CACNA2D4: variants seen among roughly 807,000 people sequenced by gnomAD.
The protein encoded by CACNA2D4 is voltage-dependent calcium channel subunit alpha-2/delta-4.
In CACNA2D4, 157 loss-of-function variants were observed where a neutral mutation model predicts 163.8. The ratio of observed to expected loss-of-function variants is 0.96; its 90% confidence interval spans 0.84 to 1.09. The LOEUF is 1.09. Ranked by LOEUF, CACNA2D4 falls within the 50% of genes least tolerant of loss-of-function variation. The probability of loss-of-function intolerance (pLI) is 0.00; values close to 1 mark genes in which losing one functional copy is unlikely to be tolerated. For synonymous variants in CACNA2D4, 598 were observed against 586.9 expected (o/e 1.02, Z -0.27); for missense variants, 1,410 against 1,479.9 (o/e 0.95, Z 0.78).
chr12:1,889,187 G>A (rs1866220356), intron 6 of CACNA2D4, among the ~76,000 whole-genome samples: 1 of 152,190 alleles, frequency 6.6e-6, no homozygotes. Flanking sequence ...ACAATCTAAA[G>A]CAGTTTATAC....
intron 20 of CACNA2D4, among the ~76,000 whole-genome samples, chr12:1,858,095 TG>T (rs1057121098): frequency 3.3e-5 from 5 of 152,128 alleles, no homozygotes; most frequent in African/African-American, 1.2e-4. Context: ...ACACCTGACT[TG>T]GGACTTCCAG....
chr12:1,858,914 T>A (rs1281764831), intron 19 of CACNA2D4, among the ~76,000 whole-genome samples: 1 of 152,124 alleles, frequency 6.6e-6, no homozygotes, highest in East Asian at 1.9e-4. Context: ...CCCATTTTCA[T>A]CAAGGGACAC....
intron 1 of CACNA2D4, among the ~76,000 whole-genome samples, chr12:1,916,297 T>C (rs978044370): frequency 6.6e-6 from 1 of 152,148 alleles, no homozygotes; most frequent in Non-Finnish European, 1.5e-5. Flanking sequence ...CAAGTACCAT[T>C]GGGAAGGTTG....
intron 13 of CACNA2D4, among the ~76,000 whole-genome samples, chr12:1,881,297 A>C (rs1417471367): frequency 6.6e-6 from 1 of 152,228 alleles, no homozygotes; most frequent in Non-Finnish European, 1.5e-5. Context: ...TGCTAAGGAC[A>C]TCCTAGCACC....
In CACNA2D4 at chr12:1,829,913, A is replaced by C. The variant is rs1466185908; in HGVS notation, c.2551+10826T>G. Among the ~76,000 whole-genome samples the C allele has an allele frequency of 6.6e-6, 1 of 151,994 alleles. No homozygotes were observed. Among genetic ancestry groups the C allele is most frequent in the Non-Finnish European group, 1.5e-5 (1 of 67,988 alleles). ...GCAGGCTTCTCTGCTACTCAGGAGGACACTTAGGGGTTTTTGAGGCCACTA... is the reference window on the plus strand; with the variant it reads ...GCAGGCTTCTCTGCTACTCAGGAGGCCACTTAGGGGTTTTTGAGGCCACTA... On this transcript the variant is annotated intron_variant, in intron 26 of 37. Coordinates refer to ENST00000382722, the MANE Select transcript of CACNA2D4 (RefSeq NM_172364.5). This position sits in a 1 kb window ranked among gnomAD's most constrained non-coding sequence, Gnocchi z 4.2.
rs1239923971 is a variant in CACNA2D4 at position 1,828,114 on chromosome 12, A to G, written c.2551+12625T>C. ...CGCACCCAGGGGCTCCTCTCTCCCC[A>G]GAGCGACAGGGCCCGGAGAGCCGTG... On this transcript the variant is annotated intron_variant, in intron 26 of 37. Coordinates refer to ENST00000382722, the MANE Select transcript of CACNA2D4 (RefSeq NM_172364.5). This position sits in a 1 kb window ranked among gnomAD's most constrained non-coding sequence, Gnocchi z 4.2. The G allele has an allele frequency of 2.0e-6, 3 of 1,502,164 alleles. No homozygotes were observed. The highest frequency in any genetic ancestry group is 2.1e-4 in the Middle Eastern group (1 of 4,710). 93.1% of individuals were successfully genotyped at this position (1,502,164 alleles called of 1,614,324 possible). A position where few individuals can be genotyped will look rare whatever the true frequency, so the allele number is the denominator to read the frequency against.
chr12:1,884,074 C>G (rs1008497781), intron 12 of CACNA2D4, 169 bp downstream of exon 12: 4 of 578,366 alleles, frequency 6.9e-6, no homozygotes, highest in Admixed American at 5.8e-5. Context: ...CATTGTCTCA[C>G]CTTGCTTTTT....
chr12:1,864,890 C>T (rs1865609421), intron 18 of CACNA2D4, among the ~76,000 whole-genome samples: 1 of 152,214 alleles, frequency 6.6e-6, no homozygotes, highest in South Asian at 2.1e-4. Context: ...GAGTCGTATT[C>T]AGCTGGATTC....
chr12:1,868,284 G>A (rs1176009254), intron 18 of CACNA2D4, among the ~76,000 whole-genome samples: 2 of 152,180 alleles, frequency 1.3e-5, no homozygotes, highest in Non-Finnish European at 2.9e-5. Flanking sequence ...CCTTAACAAA[G>A]AAGGAGATTC....
At position 1,826,314 on chromosome 12, in the gene CACNA2D4, G is replaced by A. The variant is rs144884682; in HGVS notation, c.2551+14425C>T. On this transcript the variant is annotated intron_variant, in intron 26 of 37. Transcript: ENST00000382722. ...AGAAACTCCACCAAGCAGGTATTGC[G>A]GTCACCATTTCTAGACAGAAAGAAG... is the stretch of plus-strand genomic sequence containing the variant. 6.3e-3 allele frequency among the ~76,000 whole-genome samples: 964 copies of A among 152,018 alleles called. 13 individuals are homozygous for A. The highest frequency in any genetic ancestry group is 0.022 in the African/African-American group (899 of 41,374).
chr12:1,870,684 C>T (rs950171641), intron 18 of CACNA2D4, among the ~76,000 whole-genome samples: 10 of 151,886 alleles, frequency 6.6e-5, no homozygotes, highest in African/African-American at 2.4e-4. Context: ...TCTAGTCAAG[C>T]TACACCTTAC....
At chr12:1,847,382 G>A (rs1865169436) in intron 23 of CACNA2D4, among the ~76,000 whole-genome samples, 1 of 152,230 alleles carries the variant, frequency 6.6e-6, no homozygotes, top group South Asian at 2.1e-4. Context: ...GTGCTATAGT[G>A]AGCATACAAA....
At chr12:1,884,176 G>C in intron 12 of CACNA2D4, 67 bp downstream of exon 12, 1 of 1,475,538 alleles carries the variant, frequency 6.8e-7, no homozygotes, top group Middle Eastern at 1.8e-4. Context: ...AGCACTTCCA[G>C]GGCTGGGTAA....
At position 1,858,551 on chromosome 12, in the gene CACNA2D4, T is replaced by C. The variant is rs750559222; in HGVS notation, c.2008+26A>G. Reference sequence around the variant, plus strand: ...GAGCCCATTATTTTCTGCTTAACTGTCCCTCAGCCCCTGGTACCGACCCAC... The same window carrying C: ...GAGCCCATTATTTTCTGCTTAACTGCCCCTCAGCCCCTGGTACCGACCCAC... On this transcript the variant is annotated intron_variant, in intron 20 of 37. Coordinates refer to ENST00000382722, the MANE Select transcript of CACNA2D4 (RefSeq NM_172364.5). The C allele has an allele frequency of 2.5e-6, 4 of 1,608,672 alleles. No individual in the cohort carries two copies. In the Admixed American group the frequency reaches 6.7e-5, roughly 27 times the overall value.
Position 1,799,114 on chromosome 12 carries a change from C to A in CACNA2D4, c.2995+561G>T, listed in dbSNP as rs1863225155. On this transcript the variant is annotated intron_variant, in intron 34 of 37. Coordinates refer to ENST00000382722, the MANE Select transcript of CACNA2D4 (RefSeq NM_172364.5). This position sits in a 1 kb window ranked among gnomAD's most constrained non-coding sequence, Gnocchi z 4.7. ...CCCGCTGAGGCAAGATGGCCTCCTG[C>A]AGTCATGGAGGGCCCAGGCGCCCGG... Among the ~76,000 whole-genome samples the A allele has an allele frequency of 1.3e-5, 2 of 152,202 alleles. No homozygotes were observed. Among genetic ancestry groups the A allele is most frequent in the African/African-American group, 2.4e-5 (1 of 41,442 alleles).
At chr12:1,811,845 A>T in intron 26 of CACNA2D4, 122 bp from the exon 27 acceptor site, 1 of 919,126 alleles carries the variant, frequency 1.1e-6, no homozygotes, top group Non-Finnish European at 1.7e-6. Context: ...AGCGGATGGG[A>T]GGACTGAGTC....
At chr12:1,811,561 G>T in intron 27 of CACNA2D4, 101 bp downstream of exon 27, 1 of 1,204,806 alleles carries the variant, frequency 8.3e-7, no homozygotes, top group Non-Finnish European at 1.2e-6. Context: ...CATCCTGAGA[G>T]CCTCAAGGCA....
intron 32 of CACNA2D4, 142 bp from the exon 33 acceptor site, chr12:1,800,194 G>T: frequency 1.0e-6 from 1 of 983,628 alleles, no homozygotes; most frequent in Non-Finnish European, 1.6e-6. Context: ...CTCTGGTTGA[G>T]CAATGAGGTC....
rs886049121 is a variant in CACNA2D4, at chr12:1,793,543, G to T, written c.*112C>A. ...CCACCAGCCCAGGATTGAGAGGAGC[G>T]TTGGCCTGGGGGCGACCCAACTGCA... On this transcript the variant is annotated 3_prime_UTR_variant, in exon 38 of 38. Transcript: ENST00000382722. 2 of 880,240 alleles carry T rather than the reference G, an allele frequency of 2.3e-6. No individual in the cohort carries two copies. Among genetic ancestry groups the T allele is most frequent in the African/African-American group, 1.7e-5 (1 of 60,446 alleles). 54.5% of individuals were successfully genotyped at this position (880,240 alleles called of 1,614,324 possible).
Sources: allele counts gnomAD v4.1 joint callset (sites outside exome capture counted in the v4.1 genomes callset), GRCh38; gene constraint gnomAD v4.1.1; non-coding constraint Gnocchi (gnomAD v3.1); transcripts MANE v1.5; gene names NCBI Gene and HGNC (gene_info 2026-07-23, HGNC 2026-07-21).